Variants in KGD4 observed in about 807,000 individuals in gnomAD.
KGD4 encodes alpha-ketoglutarate dehydrogenase subunit 4.
At chr5:69,222,338 G>A in the KGD4 span, among the ~76,000 whole-genome samples, 1 of 152,182 alleles carries the variant, frequency 6.6e-6, no homozygotes, top group Non-Finnish European at 1.5e-5. Flanking sequence ...AGTGGAATGG[G>A]ATAGGAGGGA....
chr5:69,224,802 C>T, the KGD4 span, among the ~76,000 whole-genome samples: 6 of 151,744 alleles, frequency 4.0e-5, no homozygotes, highest in East Asian at 1.9e-4. Flanking sequence ...CTGCCGGGTG[C>T]GGTGGCTCAC....
chr5:69,217,792 C>T, the KGD4 span: 3 of 1,612,788 alleles, frequency 1.9e-6, 1 homozygote, highest in South Asian at 3.3e-5. Context: ...ATCGCCGCGG[C>T]TCGCTCGCGC....
the KGD4 span, among the ~76,000 whole-genome samples, chr5:69,219,680 T>C: frequency 6.6e-6 from 1 of 151,926 alleles, no homozygotes; most frequent in South Asian, 2.1e-4. Flanking sequence ...AGGTTCGTGA[T>C]TGCGCTCTTA....
At chr5:69,225,262 A>ATTTTTT in the KGD4 span, among the ~76,000 whole-genome samples, 1 of 104,302 alleles carries the variant, frequency 9.6e-6, no homozygotes, top group African/African-American at 3.7e-5. Context: ...ATAGCACCAC[A>ATTTTTT]TTTTTTTTTT....
the KGD4 span, among the ~76,000 whole-genome samples, chr5:69,219,397 C>T: frequency 3.9e-5 from 6 of 152,256 alleles, no homozygotes; most frequent in East Asian, 1.2e-3. Context: ...AGCCTGGCAG[C>T]AGGAGTGTGG....
chr5:69,223,096 T>TTTTTTTTGG, the KGD4 span, among the ~76,000 whole-genome samples: 1 of 142,582 alleles, frequency 7.0e-6, no homozygotes, highest in Non-Finnish European at 1.5e-5. Flanking sequence ...TTTTTTTTTT[T>TTTTTTTTGG]GAGACAAAGT....
the KGD4 span, chr5:69,218,060 G>C: frequency 2.3e-6 from 2 of 883,068 alleles, no homozygotes; most frequent in Non-Finnish European, 3.5e-6. Context: ...CAGTGAGGTG[G>C]GTCCGGCGCC....
the KGD4 span, among the ~76,000 whole-genome samples, chr5:69,220,506 C>T: frequency 2.6e-5 from 4 of 152,186 alleles, no homozygotes; most frequent in Non-Finnish European, 4.4e-5. Flanking sequence ...ATTAGCCAGG[C>T]AGCCGCCCCG....
the KGD4 span, among the ~76,000 whole-genome samples, chr5:69,227,028 C>G: frequency 5.9e-5 from 9 of 151,990 alleles, no homozygotes; most frequent in African/African-American, 2.2e-4. Flanking sequence ...TACACTAGCA[C>G]GCCTGGCTAA....
At chr5:69,228,582 A>G in the KGD4 span, among the ~76,000 whole-genome samples, 1 of 152,226 alleles carries the variant, frequency 6.6e-6, no homozygotes, top group East Asian at 1.9e-4. Flanking sequence ...TGCATGATAT[A>G]TCAATATCAA....
chr5:69,227,115 C>T, the KGD4 span, among the ~76,000 whole-genome samples: 1 of 152,254 alleles, frequency 6.6e-6, no homozygotes, highest in East Asian at 1.9e-4. Context: ...AGGTGATCTG[C>T]CTGCCTCCGC....
At chr5:69,221,046 G>A in the KGD4 span, among the ~76,000 whole-genome samples, 103 of 152,246 alleles carry the variant, frequency 6.8e-4, no homozygotes, top group Non-Finnish European at 4.6e-4. Flanking sequence ...TAAACACTGC[G>A]GAAGGCCGCA....
the KGD4 span, chr5:69,218,133 G>A: frequency 3.7e-6 from 2 of 537,054 alleles, no homozygotes; most frequent in African/African-American, 2.0e-5. Flanking sequence ...ACCTACTGCC[G>A]GGATCCCCCG....
the KGD4 span, chr5:69,226,545 G>T: frequency 1.6e-6 from 1 of 606,784 alleles, no homozygotes; most frequent in Non-Finnish European, 2.8e-6. Flanking sequence ...TATGTAGCAT[G>T]CAAGTAGAAA....
the KGD4 span, among the ~76,000 whole-genome samples, chr5:69,222,793 G>GT: frequency 0.61 from 90,183 of 148,822 alleles, 27,692 homozygotes; most frequent in African/African-American, 0.74. Flanking sequence ...TAATAGAGAA[G>GT]TTTTTTTTTT....
chr5:69,218,993 G>T, the KGD4 span, among the ~76,000 whole-genome samples: 1 of 152,078 alleles, frequency 6.6e-6, no homozygotes. Context: ...TTTAAAAATG[G>T]GTAAAAGACT....
the KGD4 span, among the ~76,000 whole-genome samples, chr5:69,225,358 C>T: frequency 3.4e-5 from 5 of 148,376 alleles, no homozygotes; most frequent in Non-Finnish European, 7.4e-5. Flanking sequence ...CTGCCTCCTG[C>T]GTTCAAGCGA....
At chr5:69,229,210 T>C in the KGD4 span, 1 of 1,610,474 alleles carries the variant, frequency 6.2e-7, no homozygotes, top group African/African-American at 1.3e-5. Flanking sequence ...CTTTTCAGCG[T>C]GGAGGTCCTG....
the KGD4 span, chr5:69,230,066 T>G: frequency 6.6e-6 from 1 of 151,924 alleles, no homozygotes; most frequent in Non-Finnish European, 1.5e-5. Context: ...AAGCAGTTTA[T>G]GAAACTTTAA....
Sources: allele counts gnomAD v4.1 joint callset (sites outside exome capture counted in the v4.1 genomes callset), GRCh38; gene constraint gnomAD v4.1.1; transcripts MANE v1.5; gene names NCBI Gene and HGNC (gene_info 2026-07-23, HGNC 2026-07-21).